STARD13: variants seen among roughly 807,000 people sequenced by gnomAD.
STARD13 encodes StAR related lipid transfer domain containing 13.
In STARD13, 62 loss-of-function variants were observed where a neutral mutation model predicts 106.4. That is an observed-to-expected ratio of 0.58 (90% CI 0.48 to 0.72). The LOEUF (loss-of-function observed/expected upper bound fraction) is 0.72. STARD13 is among the 30% of genes least tolerant of loss of function. STARD13 has a pLI of 0.00. For synonymous variants in STARD13, 565 were observed against 553.0 expected, an observed-to-expected ratio of 1.02 and a Z score of -0.31; for missense variants, 1,387 against 1,424.0, an observed-to-expected ratio of 0.97 and a Z score of 0.42.
the STARD13 span, among the ~76,000 whole-genome samples, chr13:33,375,017 G>C: frequency 6.6e-6 from 1 of 152,168 alleles, no homozygotes; most frequent in Non-Finnish European, 1.5e-5. Flanking sequence ...AAGATTGAAG[G>C]TTTTAAAGGC....
intron 1 of STARD13, among the ~76,000 whole-genome samples, chr13:33,193,177 T>C (rs1264359268): frequency 1.3e-5 from 2 of 152,226 alleles, no homozygotes; most frequent in African/African-American, 4.8e-5. Flanking sequence ...ATTTATTTAT[T>C]CATACTTTAA....
At chr13:33,631,372 C>T in the STARD13 span, among the ~76,000 whole-genome samples, 1 of 152,326 alleles carries the variant, frequency 6.6e-6, no homozygotes, top group South Asian at 2.1e-4. Context: ...CCGGAGTATT[C>T]ATAAAATCAG....
the STARD13 span, among the ~76,000 whole-genome samples, chr13:33,606,383 A>C: frequency 2.0e-5 from 3 of 152,216 alleles, no homozygotes; most frequent in Non-Finnish European, 4.4e-5. Context: ...TATGTGTAAA[A>C]CATGTAGAAT....
chr13:33,129,125 C>T lies in STARD13; in HGVS notation c.1552G>A (p.Val518Ile). The change falls in exon 5 of 14, where the codon GTT becomes ATT. Residue 518 changes from valine to isoleucine, a missense_variant. Val to Ile is a conservative substitution (Grantham distance 29). Coordinates refer to ENST00000336934, the MANE Select transcript of STARD13 (RefSeq NM_178006.4). The part of the protein sequence containing the change: ...LPELQTHDTL[V>I]GEPGLSTFPS... ...AAGGTGGATAAGCCAGGTTCCCCAA[C>T]CAATGTATCATGAGTTTGCAGTTCA... is the stretch of plus-strand genomic sequence containing the variant. 1 of 1,614,206 alleles carries T rather than the reference C, an allele frequency of 6.2e-7. No individual in the cohort carries two copies. Among genetic ancestry groups the T allele is most frequent in the Non-Finnish European group, 8.5e-7 (1 of 1,180,030 alleles).
At chr13:33,674,289 A>G in the STARD13 span, among the ~76,000 whole-genome samples, 1 of 152,228 alleles carries the variant, frequency 6.6e-6, no homozygotes, top group African/African-American at 2.4e-5. Context: ...AATTTCTACA[A>G]TGAAATATTC....
chr13:33,427,821 G>A, the STARD13 span, among the ~76,000 whole-genome samples: 5 of 152,196 alleles, frequency 3.3e-5, no homozygotes, highest in African/African-American at 1.2e-4. Context: ...CGGGCGTGGT[G>A]ATGCATGCCT....
chr13:33,108,393 A>G (rs538710566), intron 12 of STARD13, among the ~76,000 whole-genome samples: 1 of 152,312 alleles, frequency 6.6e-6, no homozygotes, highest in African/African-American at 2.4e-5. Context: ...TCAGGGCCAC[A>G]TGGTCCACTC....
chr13:33,260,826 CG>C (rs1890603993), intron 1 of STARD13, among the ~76,000 whole-genome samples: 1 of 152,126 alleles, frequency 6.6e-6, no homozygotes, highest in Admixed American at 6.5e-5. Context: ...CCCTTGAAAA[CG>C]TAAGTGTTTC....
chr13:33,212,161 G>T (rs1887760182), intron 1 of STARD13, among the ~76,000 whole-genome samples: 1 of 152,074 alleles, frequency 6.6e-6, no homozygotes, highest in African/African-American at 2.4e-5. Context: ...TTTTGGGGTG[G>T]CTCACCTGTC....
chr13:33,371,458 A>C, the STARD13 span, among the ~76,000 whole-genome samples: 1 of 152,242 alleles, frequency 6.6e-6, no homozygotes, highest in African/African-American at 2.4e-5. Flanking sequence ...AAAAATTTCA[A>C]CATATAATAA....
the STARD13 span, among the ~76,000 whole-genome samples, chr13:33,436,508 C>T: frequency 6.6e-6 from 1 of 152,224 alleles, no homozygotes; most frequent in South Asian, 2.1e-4. Context: ...ATTTACTCTT[C>T]AAAAATAAAT....
At chr13:33,247,388 G>A (rs1048202952) in intron 1 of STARD13, among the ~76,000 whole-genome samples, 1 of 152,100 alleles carries the variant, frequency 6.6e-6, no homozygotes, top group East Asian at 1.9e-4. Context: ...AACGTGATGA[G>A]CACTGTGCTC....
At chr13:33,427,611 T>G in the STARD13 span, among the ~76,000 whole-genome samples, 1 of 152,074 alleles carries the variant, frequency 6.6e-6, no homozygotes, top group East Asian at 1.9e-4. Flanking sequence ...TGGTAGCCAG[T>G]AGTTATATAC....
In STARD13 at chr13:33,110,061, C is replaced by T; in HGVS notation, c.2859G>A (p.Trp953Ter). 1 of 1,614,226 alleles carries T rather than the reference C, an allele frequency of 6.2e-7. No homozygotes were observed. Among genetic ancestry groups the T allele is most frequent in the Non-Finnish European group, 8.5e-7 (1 of 1,180,044 alleles). Residue 953 changes from tryptophan to a stop codon, truncating the protein, a stop_gained, in exon 12 of 14, where the codon TGG becomes TGA. Transcript: ENST00000336934. LOFTEE classifies it high-confidence loss of function. The part of the protein sequence containing the change: ...KVGDGNPLKL[W>*]KASVEVEAPP... ...GTGCTTCCACCTCCACAGAAGCCTTCCACAGCTTCAGCGGGTTCCCGTCGC... is the reference window on the plus strand; with the variant it reads ...GTGCTTCCACCTCCACAGAAGCCTTTCACAGCTTCAGCGGGTTCCCGTCGC...
chr13:33,434,977 A>G, the STARD13 span, among the ~76,000 whole-genome samples: 2 of 152,172 alleles, frequency 1.3e-5, no homozygotes, highest in African/African-American at 4.8e-5. Context: ...CTGAAGAAAT[A>G]GAGATTGCAG....
the STARD13 span, among the ~76,000 whole-genome samples, chr13:33,642,827 A>T: frequency 1.4e-5 from 2 of 147,974 alleles, no homozygotes; most frequent in Admixed American, 1.4e-4. Context: ...GCTGGGAACA[A>T]ACAAACAAAC....
chr13:33,591,402 T>C, the STARD13 span, among the ~76,000 whole-genome samples: 1 of 152,268 alleles, frequency 6.6e-6, no homozygotes, highest in Non-Finnish European at 1.5e-5. Flanking sequence ...TATATCAGTG[T>C]ATCTTGATGG....
intron 1 of STARD13, among the ~76,000 whole-genome samples, chr13:33,235,155 G>A (rs370958742): frequency 2.6e-4 from 39 of 152,184 alleles, no homozygotes; most frequent in African/African-American, 9.4e-4. Context: ...ACTCACACAG[G>A]AGGCTTGGGA....
intron 4 of STARD13, among the ~76,000 whole-genome samples, chr13:33,136,839 C>A (rs534198571): frequency 6.6e-6 from 1 of 152,344 alleles, no homozygotes; most frequent in South Asian, 2.1e-4. Context: ...CTGGGACCTA[C>A]TGAACAGTGG....
Sources: allele counts gnomAD v4.1 joint callset (sites outside exome capture counted in the v4.1 genomes callset), GRCh38; gene constraint gnomAD v4.1.1; transcripts MANE v1.5; gene names NCBI Gene and HGNC (gene_info 2026-07-23, HGNC 2026-07-21).